CACHD1: variants seen among roughly 807,000 people sequenced by gnomAD.
CACHD1 encodes VWFA and cache domain-containing protein 1.
A neutral mutation model predicts 138.7 loss-of-function variants in CACHD1; 71 were observed. That is an observed-to-expected ratio of 0.51 (90% CI 0.42 to 0.62). The LOEUF (loss-of-function observed/expected upper bound fraction) is 0.62, where lower values mean the gene tolerates loss of function less well. Ranked by LOEUF, CACHD1 falls within the 20% of genes least tolerant of loss-of-function variation. CACHD1 has a pLI of 0.00. For missense variants in CACHD1, 1,389 were observed against 1,625.3 expected (o/e 0.85, Z 2.50); for synonymous variants, 578 against 591.5 (o/e 0.98, Z 0.33).
In CACHD1 at chr1:64,602,933, A is replaced by G. The variant is rs755492834; in HGVS notation, c.517+21A>G. Reference sequence around the variant, plus strand: ...TTCAGGTCAGTAATCCATTGGCTTTATAAAGATGAACTGTATTCTACTGCA... The same window carrying G: ...TTCAGGTCAGTAATCCATTGGCTTTGTAAAGATGAACTGTATTCTACTGCA... On this transcript the variant is annotated intron_variant, in intron 4 of 26. Transcript: ENST00000651257. The G allele has an allele frequency of 2.0e-6, 3 of 1,487,458 alleles. No individual in the cohort carries two copies. The Admixed American group carries it at 5.0e-5, about 25-fold the overall frequency. 92.1% of individuals were successfully genotyped at this position (1,487,458 alleles called of 1,614,324 possible).
chr1:64,522,308 A>ATTTTTTT (rs11412205), intron 1 of CACHD1, among the ~76,000 whole-genome samples: 2 of 148,844 alleles, frequency 1.3e-5, no homozygotes, highest in Non-Finnish European at 1.5e-5. Flanking sequence ...CAACCCCCAC[A>ATTTTTTT]TTTTTTTTTT....
rs993513068 is a variant in CACHD1 at position 64,658,921 on chromosome 1, G to A, written c.1951+48G>A. Reference sequence around the variant, plus strand: ...ACATTCTTACTCTTAGCAGCTCACTGTAAATATCCTTTTGAATACCATCCA... The same window carrying A: ...ACATTCTTACTCTTAGCAGCTCACTATAAATATCCTTTTGAATACCATCCA... On this transcript the variant is annotated intron_variant, in intron 13 of 26. Transcript: ENST00000651257. The A allele has an allele frequency of 5.6e-6, 8 of 1,435,722 alleles. No individual in the cohort carries two copies. In the African/African-American group the frequency reaches 7.2e-5, roughly 13 times the overall value. 88.9% of individuals were successfully genotyped at this position (1,435,722 alleles called of 1,614,324 possible). A position where few individuals can be genotyped will look rare whatever the true frequency, so the allele number is the denominator to read the frequency against.
intron 4 of CACHD1, among the ~76,000 whole-genome samples, chr1:64,606,466 T>C (rs1249508396): frequency 6.6e-6 from 1 of 152,038 alleles, no homozygotes; most frequent in East Asian, 1.9e-4. Context: ...GGGAGTAGAT[T>C]AGGCCAGAGA....
At chr1:64,641,108 G>C (rs1322393829) in intron 7 of CACHD1, among the ~76,000 whole-genome samples, 1 of 151,450 alleles carries the variant, frequency 6.6e-6, no homozygotes, top group African/African-American at 2.4e-5. Flanking sequence ...TTTGCTGATA[G>C]TCTTTACGTA....
At position 64,582,303 on chromosome 1, in the gene CACHD1, GAGTA is replaced by G; in HGVS notation, c.410+2_410+5del. 6.2e-7 allele frequency: 1 copy of G among 1,611,768 alleles called. No individual in the cohort carries two copies. On this transcript the variant is annotated splice_donor_variant and splice_donor_region_variant and coding_sequence_variant and intron_variant, in exon 3 of 27. Coordinates refer to ENST00000651257, the MANE Select transcript of CACHD1 (RefSeq NM_020925.4). LOFTEE classifies it high-confidence loss of function. ...CTGTACTATCCCACCTTCCATGATG[GAGTA>G]AGACTTTAAAACTTTTTGTTGTTGT...
In CACHD1 at chr1:64,582,287, C is replaced by G. The variant is rs776147703; in HGVS notation, c.393C>G (p.Ile131Met). ...CTGCAATTCAAGACTGCTGTACTAT[C>G]CCACCTTCCATGATGGAGTAAGACT... ...PLTAIQDCCT[I>M]PPSMMEFDGN... is the part of the protein sequence containing the mutation. The change falls in exon 3 of 27, where the codon ATC (isoleucine) becomes ATG (methionine). Residue 131 changes from isoleucine (I) to methionine (M), a missense_variant. Around this residue, in one of 5 missense-constraint regions of CACHD1, gnomAD observed 1,000 missense variants for 1,114.7 expected, o/e 0.90. Transcript: ENST00000651257. 2.5e-6 allele frequency: 4 copies of G among 1,613,624 alleles called. No individual in the cohort carries two copies. The South Asian group carries it at 4.4e-5, about 18-fold the overall frequency.
At chr1:64,524,668 G>A (rs929373454) in intron 1 of CACHD1, among the ~76,000 whole-genome samples, 21 of 152,290 alleles carry the variant, frequency 1.4e-4, no homozygotes, top group African/African-American at 3.4e-4. Flanking sequence ...GAAAAGGATG[G>A]TTCCAGAGAT....
intron 26 of CACHD1, among the ~76,000 whole-genome samples, chr1:64,687,166 A>T (rs908174645): frequency 6.6e-6 from 1 of 152,176 alleles, no homozygotes; most frequent in African/African-American, 2.4e-5. Context: ...AGTGTTTGCA[A>T]ATATCCTTTG....
intron 1 of CACHD1, among the ~76,000 whole-genome samples, chr1:64,482,918 G>T (rs935986754): frequency 2.6e-5 from 4 of 152,166 alleles, no homozygotes; most frequent in Admixed American, 2.0e-4. Flanking sequence ...GTCCTGGTAT[G>T]GTTACCCCTG....
chr1:64,501,552 GAA>G (rs952226753), intron 1 of CACHD1, among the ~76,000 whole-genome samples: 3 of 152,172 alleles, frequency 2.0e-5, no homozygotes, highest in Non-Finnish European at 4.4e-5. Flanking sequence ...TTTTCTATAA[GAA>G]AATACTATCT....
intron 3 of CACHD1, among the ~76,000 whole-genome samples, chr1:64,599,085 C>A (rs1016468145): frequency 1.3e-5 from 2 of 152,074 alleles, no homozygotes; most frequent in Non-Finnish European, 2.9e-5. Context: ...AAGGCCACAT[C>A]TATGAACCAG....
intron 3 of CACHD1, among the ~76,000 whole-genome samples, chr1:64,589,781 A>G (rs1302846370): frequency 6.6e-6 from 1 of 152,170 alleles, no homozygotes; most frequent in African/African-American, 2.4e-5. Flanking sequence ...TTCTTCACAG[A>G]AACATCTAAA....
intron 8 of CACHD1, among the ~76,000 whole-genome samples, chr1:64,645,123 A>G (rs1648860953): frequency 6.6e-6 from 1 of 152,112 alleles, no homozygotes; most frequent in Non-Finnish European, 1.5e-5. Flanking sequence ...AAAACACTTG[A>G]ACTACAGGAG....
At chr1:64,536,949 G>A (rs1231940813) in intron 1 of CACHD1, among the ~76,000 whole-genome samples, 1 of 152,090 alleles carries the variant, frequency 6.6e-6, no homozygotes, top group Non-Finnish European at 1.5e-5. Context: ...AGGCTCAGAC[G>A]GTTTGGATAA....
At chr1:64,606,140 C>T (rs138805379) in intron 4 of CACHD1, among the ~76,000 whole-genome samples, 8 of 152,062 alleles carry the variant, frequency 5.3e-5, no homozygotes, top group Non-Finnish European at 8.8e-5. Flanking sequence ...CGCACACACA[C>T]GCACACAGCT....
intron 1 of CACHD1, among the ~76,000 whole-genome samples, chr1:64,475,954 T>TGTAGAGAGAGTTAGTGCAGTGC (rs1381343246): frequency 2.6e-5 from 4 of 152,086 alleles, no homozygotes; most frequent in Non-Finnish European, 5.9e-5. Context: ...TACACTGCAG[T>TGTAGAGAGAGTTAGTGCAGTGC]AGGTTAGTGC....
Position 64,505,568 on chromosome 1 carries a change from G to T in CACHD1, c.198+34626G>T, listed in dbSNP as rs1472440754. ...GCCCCGCCCCGCCCCCTCCTCTGGGGCACACCCCGCCCCGCCGCCCCTCCC... is the reference window on the plus strand; with the variant it reads ...GCCCCGCCCCGCCCCCTCCTCTGGGTCACACCCCGCCCCGCCGCCCCTCCC... On this transcript the variant is annotated intron_variant, in intron 1 of 26. Coordinates refer to ENST00000651257, the MANE Select transcript of CACHD1 (RefSeq NM_020925.4). Among the ~76,000 whole-genome samples, 63 of 101,854 alleles carry T rather than the reference G, an allele frequency of 6.2e-4. 1 individual carries two copies. The highest frequency in any genetic ancestry group is 1.0e-3 in the South Asian group (3 of 2,910). 66.8% of individuals were successfully genotyped at this position (101,854 alleles called of 152,430 possible). A position where few individuals can be genotyped will look rare whatever the true frequency, so the allele number is the denominator to read the frequency against.
intron 9 of CACHD1, among the ~76,000 whole-genome samples, chr1:64,650,902 T>TC (rs1649066923): frequency 6.6e-6 from 1 of 151,442 alleles, no homozygotes; most frequent in African/African-American, 2.4e-5. Flanking sequence ...TTATCTCACC[T>TC]CCCCCCGCCC....
intron 2 of CACHD1, among the ~76,000 whole-genome samples, chr1:64,562,137 G>C (rs1396206400): frequency 6.6e-6 from 1 of 152,008 alleles, no homozygotes; most frequent in African/African-American, 2.4e-5. Flanking sequence ...AGACATAATG[G>C]TTTAAATATT....
Sources: gnomAD v4.1 joint callset for allele counts (sites outside exome capture counted in the v4.1 genomes callset) on GRCh38, gnomAD v4.1.1 for gene constraint, gnomAD v4.1.1 regional missense constraint, MANE v1.5 for transcripts, NCBI Gene and HGNC (gene_info 2026-07-23, HGNC 2026-07-21) for gene names.